The following TMEM131 variants were observed in gnomAD, a reference collection of about 807,000 sequenced individuals.
TMEM131 encodes transmembrane protein 131, also known as 2610524E03Rik.
A neutral mutation model predicts 211.6 loss-of-function variants in TMEM131; 66 were observed. The ratio of observed to expected loss-of-function variants is 0.31; its 90% CI spans 0.26 to 0.38. The LOEUF (loss-of-function observed/expected upper bound fraction) is 0.38, where lower values mean the gene tolerates loss of function less well. TMEM131 is among the 10% of genes least tolerant of loss of function. The probability of loss-of-function intolerance (pLI) is 1.00; values close to 1 mark genes in which losing one functional copy is unlikely to be tolerated. For missense variants in TMEM131, 2,036 were observed against 2,299.3 expected (o/e 0.89, Z 2.34); for synonymous variants, 844 against 841.3 (o/e 1.00, Z -0.06).
Position 97,926,988 on chromosome 2 carries a change from C to T in TMEM131, c.249+438G>A, listed in dbSNP as rs546736706. 2.0e-5 allele frequency among the ~76,000 whole-genome samples: 3 copies of T among 152,312 alleles called. No homozygotes were observed. The East Asian group carries it at 5.8e-4, about 29-fold the overall frequency. On this transcript the variant is annotated intron_variant, in intron 2 of 40. Transcript: ENST00000186436. The stretch of plus-strand genomic sequence containing the variant: ...TGTTCCCATAGGTTCTCCAAGTTCT[C>T]ACCTTGAAACAGATTAAAGAACTAG...
At position 97,943,037 on chromosome 2, in the gene TMEM131, AAAAGAAAGAAAGAAAG is replaced by A. The variant is rs71394401; in HGVS notation, c.188-15566_188-15551del. Reference sequence around the variant, plus strand: ...AAAAGAAAAGAAAAGAAAAGAAAAGAAAAGAAAGAAAGAAAGAAAGAAAGAAAGAAAGAAAGAAAGA... The same window carrying A: ...AAAAGAAAAGAAAAGAAAAGAAAAGAAAAGAAAGAAAGAAAGAAAGAAAGA... On this transcript the variant is annotated intron_variant, in intron 1 of 40. Transcript: ENST00000186436. 2.0e-3 allele frequency among the ~76,000 whole-genome samples: 133 copies of A among 66,020 alleles called. 3 individuals carry two copies. Among genetic ancestry groups the A allele is most frequent in the East Asian group, 0.017 (46 of 2,712 alleles). 43.3% of individuals were successfully genotyped at this position (66,020 alleles called of 152,430 possible). A position where few individuals can be genotyped will look rare whatever the true frequency, so the allele number is the denominator to read the frequency against.
At chr2:97,813,366 CT>C (rs1467747750) in intron 15 of TMEM131, among the ~76,000 whole-genome samples, 12 of 152,162 alleles carry the variant, frequency 7.9e-5, no homozygotes, top group Middle Eastern at 3.2e-3. Flanking sequence ...TCTAGATGTC[CT>C]AGCTTTCTTT....
intron 30 of TMEM131, 75 bp from the exon 31 acceptor site, chr2:97,793,059 A>C (rs1680581099): frequency 9.2e-7 from 1 of 1,081,150 alleles, no homozygotes. Context: ...CTTCAACTTC[A>C]TCAGTACAGC....
In TMEM131 at chr2:97,802,636, C is replaced by G. The variant is rs1243500651; in HGVS notation, c.2541+16G>C. The G allele has an allele frequency of 3.1e-6, 5 of 1,611,386 alleles. No homozygotes were observed. Among genetic ancestry groups the G allele is most frequent in the Non-Finnish European group, 4.2e-6 (5 of 1,178,796 alleles). On this transcript the variant is annotated intron_variant, in intron 23 of 40. Coordinates refer to ENST00000186436, the MANE Select transcript of TMEM131 (RefSeq NM_015348.2). ...AGTATGTATTTCCAAAAACCAATGT[C>G]ACTTTGAATACTTACTGAGGAGCAG...
chr2:97,888,242 A>C (rs980994525), intron 3 of TMEM131, 122 bp from the exon 4 acceptor site: 1 of 644,438 alleles, frequency 1.6e-6, no homozygotes, highest in Non-Finnish European at 2.6e-6. Context: ...GGGTCTAACA[A>C]TCTATCAGAA....
At chr2:97,848,365 T>G (rs540588299) in intron 5 of TMEM131, among the ~76,000 whole-genome samples, 1 of 152,340 alleles carries the variant, frequency 6.6e-6, no homozygotes, top group East Asian at 1.9e-4. Context: ...TCCCTCAGTA[T>G]CTGTGGGATT....
intron 1 of TMEM131, among the ~76,000 whole-genome samples, chr2:97,987,037 A>T (rs1680055949): frequency 6.6e-6 from 1 of 152,370 alleles, no homozygotes; most frequent in South Asian, 2.1e-4. Flanking sequence ...CATGAATACA[A>T]ACCACTAATT....
At chr2:97,977,658 T>C (rs965592327) in intron 1 of TMEM131, among the ~76,000 whole-genome samples, 6 of 152,236 alleles carry the variant, frequency 3.9e-5, no homozygotes, top group Admixed American at 6.5e-5. Flanking sequence ...AAAAATACTT[T>C]ATTGCTAAAA....
Position 97,995,591 on chromosome 2 carries a change from C to A in TMEM131, c.72G>T (p.Gly24=), listed in dbSNP as rs551709754. 7.9e-7 allele frequency: 1 copy of A among 1,270,514 alleles called. No homozygotes were observed. 78.7% of individuals were successfully genotyped at this position (1,270,514 alleles called of 1,614,324 possible). A position where few individuals can be genotyped will look rare whatever the true frequency, so the allele number is the denominator to read the frequency against. ...CGCTACGGGCGGCCGCAGGTTCCAG[C>A]CCGGCCCCGGCGGACGTGGAGACGG... The part of the protein sequence containing the change: ...TAAVSTSAGA[G]LEPAAARSGG... The change falls in exon 1 of 41, where the codon GGG becomes GGT. Residue 24 remains glycine, a synonymous_variant. Coordinates refer to ENST00000186436, the MANE Select transcript of TMEM131 (RefSeq NM_015348.2).
At chr2:97,938,546 C>A (rs1459763019) in intron 1 of TMEM131, among the ~76,000 whole-genome samples, 1 of 152,178 alleles carries the variant, frequency 6.6e-6, no homozygotes, top group Non-Finnish European at 1.5e-5. Context: ...TAGACACCTA[C>A]AAAGAGACTT....
chr2:97,811,405 G>C (rs1417101715), intron 17 of TMEM131, among the ~76,000 whole-genome samples, 173 bp from the exon 18 acceptor site: 1 of 152,152 alleles, frequency 6.6e-6, no homozygotes, highest in Non-Finnish European at 1.5e-5. Flanking sequence ...TCCATCCCTT[G>C]ATATTTCTCT....
chr2:97,827,288 AG>A (rs1278603423), intron 11 of TMEM131: 2 of 784,364 alleles, frequency 2.5e-6, no homozygotes, highest in Admixed American at 1.7e-5. Context: ...GCCGCTGCCA[AG>A]GAAGAGCCCA....
chr2:97,838,420 CTTAAACTTTTTTTT>C (rs1683032115), intron 7 of TMEM131, among the ~76,000 whole-genome samples: 2 of 134,384 alleles, frequency 1.5e-5, no homozygotes, highest in African/African-American at 5.8e-5. Context: ...AATTCTTAAG[CTTAAACTTTTTTTT>C]TTTTTTTTTT....
chr2:97,938,665 G>A (rs1677564287), intron 1 of TMEM131, among the ~76,000 whole-genome samples: 1 of 152,080 alleles, frequency 6.6e-6, no homozygotes, highest in Admixed American at 6.6e-5. Context: ...ACTCAGGTCT[G>A]CACCAAGCAG....
rs190274190 is a variant in TMEM131, at chr2:97,984,776, G to A, written c.187+10700C>T. 3.3e-5 allele frequency among the ~76,000 whole-genome samples: 5 copies of A among 151,254 alleles called. No homozygotes were observed. The East Asian group carries it at 7.7e-4, about 23-fold the overall frequency. On this transcript the variant is annotated intron_variant, in intron 1 of 40. Coordinates refer to ENST00000186436, the MANE Select transcript of TMEM131 (RefSeq NM_015348.2). ...ATCAATACTCATGAGGGATCATATC[G>A]ATATAATAGCTTTTTAAAAAGAGTT...
chr2:97,879,575 G>C (rs1032100594), intron 4 of TMEM131, among the ~76,000 whole-genome samples: 6 of 152,120 alleles, frequency 3.9e-5, no homozygotes, highest in African/African-American at 7.2e-5. Flanking sequence ...AACAATATGG[G>C]TTTGAACTAT....
At chr2:97,816,680 A>C (rs1345696406) in intron 12 of TMEM131, among the ~76,000 whole-genome samples, 2 of 152,154 alleles carry the variant, frequency 1.3e-5, no homozygotes, top group Non-Finnish European at 2.9e-5. Flanking sequence ...GGATGCTTTC[A>C]ATTTTTCACT....
In TMEM131 at chr2:97,796,231, C is replaced by G. The variant is rs1169710180; in HGVS notation, c.3187G>C (p.Asp1063His). Reference sequence around the variant, plus strand: ...TAAAATACTTACAATATGATTATATCTCTAGAAGCATTGGCACTTAGAGTA... The same window carrying G: ...TAAAATACTTACAATATGATTATATGTCTAGAAGCATTGGCACTTAGAGTA... ...EFTLSANASR[D>H]IIILFTPDFT... The change falls in exon 28 of 41, where the codon GAT (aspartate) becomes CAT (histidine). Residue 1063 changes from aspartate (D) to histidine (H), a missense_variant. Physicochemically the swap from Asp to His is moderately conservative, Grantham distance 81. Around this residue, in one of 3 missense-constraint regions of TMEM131, gnomAD observed 1,623 missense variants for 1,805.9 expected, o/e 0.90. Coordinates refer to ENST00000186436, the MANE Select transcript of TMEM131 (RefSeq NM_015348.2). 1 of 1,547,412 alleles carries G rather than the reference C, an allele frequency of 6.5e-7. No individual in the cohort carries two copies. The highest frequency in any genetic ancestry group is 1.4e-5 in the African/African-American group (1 of 72,958).
intron 1 of TMEM131, among the ~76,000 whole-genome samples, chr2:97,969,323 G>A (rs567689576): frequency 3.3e-5 from 5 of 152,240 alleles, no homozygotes; most frequent in African/African-American, 1.2e-4. Context: ...GACAATTGTT[G>A]CTTTAATCAC....
Sources: gnomAD v4.1 joint callset for allele counts (sites outside exome capture counted in the v4.1 genomes callset) on GRCh38, gnomAD v4.1.1 for gene constraint, gnomAD v4.1.1 regional missense constraint, MANE v1.5 for transcripts, NCBI Gene and HGNC (gene_info 2026-07-23, HGNC 2026-07-21) for gene names.